The following MARK2 variants were observed in gnomAD, a reference collection of about 807,000 sequenced individuals.
MARK2 encodes the protein serine/threonine-protein kinase MARK2.
MARK2 carries 16 observed loss-of-function variants against 89.8 expected under a neutral mutation model. That is an observed-to-expected ratio of 0.18 (90% CI 0.12 to 0.27). The LOEUF is 0.27. Among genes scored for constraint, MARK2 ranks in the 10% least tolerant of loss-of-function variants. The pLI, the probability that MARK2 is intolerant of heterozygous loss-of-function variation, is 1.00. For missense variants in MARK2, 621 were observed against 1,049.9 expected, an observed-to-expected ratio of 0.59 and a Z score of 5.65; for synonymous variants, 382 against 399.5, an observed-to-expected ratio of 0.96 and a Z score of 0.52.
At chr11:63,851,980 T>G (rs1396816148) in intron 1 of MARK2, among the ~76,000 whole-genome samples, 2 of 152,156 alleles carry the variant, frequency 1.3e-5, no homozygotes, top group African/African-American at 4.8e-5. Context: ...AATATTGAAT[T>G]TGGTTCTAAT....
chr11:63,879,231 C>T (rs1485954473), intron 1 of MARK2, among the ~76,000 whole-genome samples: 3 of 152,016 alleles, frequency 2.0e-5, no homozygotes, highest in Non-Finnish European at 4.4e-5. Flanking sequence ...CACTTGAACC[C>T]AGGAGGTAGA....
At chr11:63,860,724 G>T (rs1467519555) in intron 1 of MARK2, among the ~76,000 whole-genome samples, 1 of 151,906 alleles carries the variant, frequency 6.6e-6, no homozygotes, top group Non-Finnish European at 1.5e-5. Flanking sequence ...TGGGTATGGT[G>T]GCGCGTGCCT....
chr11:63,846,656 A>AT (rs2016293526), intron 1 of MARK2, among the ~76,000 whole-genome samples: 2 of 146,658 alleles, frequency 1.4e-5, no homozygotes, highest in African/African-American at 5.1e-5. Flanking sequence ...GGCCAAAAAA[A>AT]ATTTTTTTTT....
intron 1 of MARK2, among the ~76,000 whole-genome samples, chr11:63,889,906 T>C (rs1406274921): frequency 6.6e-6 from 1 of 152,198 alleles, no homozygotes; most frequent in East Asian, 1.9e-4. Flanking sequence ...TGCCACGTCT[T>C]ACTATAAGCA....
intron 1 of MARK2, among the ~76,000 whole-genome samples, chr11:63,851,136 G>A (rs1251763278): frequency 1.3e-5 from 2 of 152,190 alleles, no homozygotes; most frequent in East Asian, 3.8e-4. Context: ...AGGCATTTCT[G>A]CTCCTGGGAA....
chr11:63,876,743 C>T (rs1177198046), intron 1 of MARK2, among the ~76,000 whole-genome samples: 2 of 152,154 alleles, frequency 1.3e-5, no homozygotes, highest in African/African-American at 4.8e-5. Flanking sequence ...TGAGTGAATT[C>T]AGAGGTGGAG....
chr11:63,842,566 C>T (rs1480409814), intron 1 of MARK2, among the ~76,000 whole-genome samples: 1 of 152,058 alleles, frequency 6.6e-6, no homozygotes, highest in Non-Finnish European at 1.5e-5. Context: ...GGTCACAAGG[C>T]CAGGTATATC....
At chr11:63,880,948 T>A (rs960839113) in intron 1 of MARK2, among the ~76,000 whole-genome samples, 7 of 152,258 alleles carry the variant, frequency 4.6e-5, no homozygotes, top group Non-Finnish European at 8.8e-5. Context: ...TATTCATTTG[T>A]GCACATTTAT....
At chr11:63,895,506 AG>A in intron 2 of MARK2, 73 bp from the exon 3 acceptor site, 4 of 1,468,508 alleles carry the variant, frequency 2.7e-6, no homozygotes, top group Middle Eastern at 1.7e-4. Context: ...AGAAATATAA[AG>A]GAGGAAGTAG....
intron 1 of MARK2, among the ~76,000 whole-genome samples, chr11:63,876,946 T>A (rs1938795524): frequency 6.6e-6 from 1 of 151,936 alleles, no homozygotes; most frequent in Non-Finnish European, 1.5e-5. Context: ...ATTCCCAGGT[T>A]CATACCACAG....
chr11:63,852,294 T>C (rs1342398803), intron 1 of MARK2, among the ~76,000 whole-genome samples: 4 of 152,252 alleles, frequency 2.6e-5, no homozygotes, highest in Admixed American at 6.5e-5. Context: ...TCTTCAGTTA[T>C]AACTGCTATC....
At chr11:63,855,467 A>G (rs2016792419) in intron 1 of MARK2, among the ~76,000 whole-genome samples, 1 of 151,540 alleles carries the variant, frequency 6.6e-6, no homozygotes, top group South Asian at 2.1e-4. Context: ...GGCTGTAGTA[A>G]GTTGTGATTG....
chr11:63,857,537 A>G (rs1194787407), intron 1 of MARK2, among the ~76,000 whole-genome samples: 1 of 152,128 alleles, frequency 6.6e-6, no homozygotes, highest in Admixed American at 6.6e-5. Flanking sequence ...CATCAGGTAG[A>G]CTTCCTTTGG....
Position 63,909,281 on chromosome 11 carries a change from GGGCTGCCGGCCGCTGCGCCGC to G in MARK2, c.*45_*65del. ...GGCGGCGGGGGCGGGCCAGCTGGAC[GGGCTGCCGGCCGCTGCGCCGC>G]CCCACCTGGGCGAGACTGCAGCGAT... On this transcript the variant is annotated 3_prime_UTR_variant, in exon 19 of 19. Transcript: ENST00000402010. The G allele has an allele frequency of 6.6e-7, 1 of 1,514,814 alleles. No individual in the cohort carries two copies. The highest frequency in any genetic ancestry group is 8.9e-7 in the Non-Finnish European group (1 of 1,127,802). The allele number at this position is 1,514,814 out of a possible 1,614,324, so 93.8% of individuals were successfully genotyped here.
At chr11:63,892,306 C>T (rs10897459) in intron 1 of MARK2, among the ~76,000 whole-genome samples, 104,273 of 152,104 alleles carry the variant, frequency 0.69, 36,331 homozygotes, top group East Asian at 0.94. Flanking sequence ...CTGCAGCTAC[C>T]ATGCAAAGGC....
At chr11:63,895,128 A>G (rs771974889) in intron 1 of MARK2, 31 bp from the exon 2 acceptor site, 3 of 1,594,480 alleles carry the variant, frequency 1.9e-6, no homozygotes, top group Non-Finnish European at 2.6e-6. Flanking sequence ...GAAGTGTGGC[A>G]TGTAATGGTA....
chr11:63,839,859 C>T (rs545306491), intron 1 of MARK2, among the ~76,000 whole-genome samples: 1 of 152,200 alleles, frequency 6.6e-6, no homozygotes, highest in African/African-American at 2.4e-5. Flanking sequence ...CTTTTTCTCT[C>T]AGGGGCCTTT....
chr11:63,886,848 AC>A (rs1233259965), intron 1 of MARK2, among the ~76,000 whole-genome samples: 2 of 152,250 alleles, frequency 1.3e-5, no homozygotes, highest in African/African-American at 4.8e-5. Flanking sequence ...GATTGAGGAA[AC>A]AGTCCTTCTG....
Position 63,903,488 on chromosome 11 carries a change from C to G in MARK2, c.1514+330C>G, listed in dbSNP as rs939561674. The G allele has an allele frequency of 5.1e-6, 2 of 388,476 alleles. No homozygotes were observed. The highest frequency in any genetic ancestry group is 9.6e-6 in the Non-Finnish European group (2 of 207,262). 24.1% of individuals were successfully genotyped at this position (388,476 alleles called of 1,614,324 possible). ...TAAGGCCTTGTGTTGGGGGTCCCAG[C>G]TCAGGGCAGAACCAAGAGATGCCCA... On this transcript the variant is annotated intron_variant, in intron 14 of 18. Coordinates refer to ENST00000402010, the MANE Select transcript of MARK2 (RefSeq NM_001039469.3). The surrounding 1 kb of genome is among the most constrained non-coding windows in gnomAD (Gnocchi z 5.1).
Sources: allele counts gnomAD v4.1 joint callset (sites outside exome capture counted in the v4.1 genomes callset), GRCh38; gene constraint gnomAD v4.1.1; non-coding constraint Gnocchi (gnomAD v3.1); transcripts MANE v1.5; gene names NCBI Gene and HGNC (gene_info 2026-07-23, HGNC 2026-07-21).